Variants in PRH1 observed in about 807,000 individuals in gnomAD.
The protein encoded by PRH1 is salivary acidic proline-rich phosphoprotein 1/2.
Under a neutral mutation model 7.9 loss-of-function variants are expected in PRH1, and 7 were observed. That is an observed-to-expected ratio of 0.89 (90% CI 0.50 to 1.67). PRH1 has a LOEUF of 1.67. Among genes scored for constraint, PRH1 ranks in the 40% most tolerant of loss-of-function variants. PRH1 has a pLI of 0.00. For missense variants in PRH1, 109 were observed against 223.6 expected (o/e 0.49, Z 3.27); for synonymous variants, 45 against 80.8 (o/e 0.56, Z 2.38).
chr12:10,916,998 C>T (rs1949981119), intron 2 of PRH1, among the ~76,000 whole-genome samples: 1 of 152,130 alleles, frequency 6.6e-6, no homozygotes, highest in Admixed American at 6.5e-5. Flanking sequence ...ATTGCTTGAG[C>T]CCGGAAGGCC....
chr12:10,915,103 G>A (rs1163750796), intron 2 of PRH1, among the ~76,000 whole-genome samples: 1 of 152,134 alleles, frequency 6.6e-6, no homozygotes, highest in Non-Finnish European at 1.5e-5. Flanking sequence ...ACTCCAGCCT[G>A]GGCCACAGAG....
At chr12:10,927,888 G>A (rs1321851947) in intron 2 of PRH1, among the ~76,000 whole-genome samples, 1 of 152,158 alleles carries the variant, frequency 6.6e-6, no homozygotes, top group African/African-American at 2.4e-5. Flanking sequence ...TTGAGGAACA[G>A]GGAATTTCTA....
At chr12:10,920,283 G>A (rs1950028105) in intron 2 of PRH1, among the ~76,000 whole-genome samples, 1 of 151,922 alleles carries the variant, frequency 6.6e-6, no homozygotes. Context: ...CTTAATTCAT[G>A]TGTAATTTAG....
chr12:11,021,705 G>A (rs1941639943), intron 1 of PRH1: 1 of 1,612,518 alleles, frequency 6.2e-7, no homozygotes, highest in African/African-American at 1.3e-5. Context: ...CTGAAAGAAA[G>A]GTCTGTTTTA....
At chr12:10,894,915 G>C (rs1487162415) in intron 2 of PRH1, 1 of 152,022 alleles carries the variant, frequency 6.6e-6, no homozygotes, top group Non-Finnish European at 1.5e-5. Flanking sequence ...TTTTCTTTCT[G>C]AGAATATCAT....
At chr12:11,163,116 C>T (rs946565980) in intron 1 of PRH1, among the ~76,000 whole-genome samples, 38 of 152,144 alleles carry the variant, frequency 2.5e-4, no homozygotes, top group South Asian at 4.2e-4. Context: ...ACTTCAGCAG[C>T]ACATATACTA....
At chr12:10,910,370 C>T (rs905259064) in intron 2 of PRH1, among the ~76,000 whole-genome samples, 6 of 152,070 alleles carry the variant, frequency 3.9e-5, no homozygotes, top group African/African-American at 1.4e-4. Context: ...CCCTGTAATC[C>T]TAGCAATTTG....
intron 2 of PRH1, chr12:10,909,512 A>G (rs940836296): frequency 4.1e-6 from 2 of 482,746 alleles, no homozygotes; most frequent in East Asian, 3.2e-5. Flanking sequence ...TTTTTCTTCA[A>G]TTTCTCTGCT....
chr12:11,164,306 G>C (rs1947508400), intron 1 of PRH1, among the ~76,000 whole-genome samples: 1 of 152,276 alleles, frequency 6.6e-6, no homozygotes, highest in Non-Finnish European at 1.5e-5. Context: ...CTTGAGTGGA[G>C]ACATCCATCT....
intron 2 of PRH1, chr12:10,931,164 C>T: frequency 2.5e-6 from 4 of 1,572,710 alleles, no homozygotes; most frequent in Non-Finnish European, 3.4e-6. Context: ...TATTGAAAAG[C>T]TGTTAATATT....
At chr12:11,048,715 A>T (rs968777856), upstream of PRH1, 32 of 394,288 alleles carry the variant, frequency 8.1e-5, no homozygotes, top group Admixed American at 9.9e-4. Context: ...GTTTGCTGGC[A>T]TGGTTACAGT....
chr12:10,912,956 G>A (rs1949921307), intron 2 of PRH1, among the ~76,000 whole-genome samples: 3 of 151,904 alleles, frequency 2.0e-5, no homozygotes, highest in African/African-American at 7.3e-5. Context: ...TCTGAGTTTT[G>A]TCTTTTTATT....
intron 1 of PRH1, among the ~76,000 whole-genome samples, chr12:11,109,218 G>A (rs764698427): frequency 4.6e-5 from 7 of 152,182 alleles, no homozygotes; most frequent in Non-Finnish European, 8.8e-5. Context: ...GAGCACCTGG[G>A]AGAAGGGGCA....
chr12:11,001,909 A>G (rs1940613437), intron 1 of PRH1, among the ~76,000 whole-genome samples: 1 of 152,026 alleles, frequency 6.6e-6, no homozygotes, highest in Non-Finnish European at 1.5e-5. Flanking sequence ...ATAAAATAAA[A>G]CCTTCACTTT....
intron 1 of PRH1, among the ~76,000 whole-genome samples, chr12:11,147,770 C>T (rs7973730): frequency 0.46 from 69,205 of 152,076 alleles, 16,547 homozygotes; most frequent in Non-Finnish European, 0.52. Context: ...AAGAGCATTT[C>T]TGCCTTATTT....
chr12:10,972,518 A>G (rs1417616599), intron 2 of PRH1, among the ~76,000 whole-genome samples: 2 of 152,204 alleles, frequency 1.3e-5, no homozygotes, highest in African/African-American at 4.8e-5. Flanking sequence ...AAATTTGAAT[A>G]AAATTTTTCA....
intron 1 of PRH1, among the ~76,000 whole-genome samples, chr12:11,155,882 C>CAA (rs2136439837): frequency 6.6e-6 from 1 of 152,222 alleles, no homozygotes; most frequent in Non-Finnish European, 1.5e-5. Context: ...ATTTGATACT[C>CAA]AGACTCTCTT....
intron 1 of PRH1, among the ~76,000 whole-genome samples, chr12:11,017,705 C>G (rs1331756207): frequency 6.6e-6 from 1 of 151,920 alleles, no homozygotes; most frequent in East Asian, 1.9e-4. Context: ...GTTGCTCAGG[C>G]TAGTCTCAAA....
intron 1 of PRH1, 42 bp from the exon 2 acceptor site, chr12:10,883,138 A>C (rs1434040282): frequency 6.3e-7 from 1 of 1,597,830 alleles, no homozygotes; most frequent in Non-Finnish European, 8.6e-7. Flanking sequence ...TTACTTCCTG[A>C]ATCATTCAAG....
Sources: allele counts gnomAD v4.1 joint callset (sites outside exome capture counted in the v4.1 genomes callset), GRCh38; gene constraint gnomAD v4.1.1; transcripts MANE v1.5; gene names NCBI Gene and HGNC (gene_info 2026-07-23, HGNC 2026-07-21).